Variants in IQSEC1 observed in about 807,000 individuals in gnomAD.
The protein encoded by IQSEC1 is IQ motif and SEC7 domain-containing protein 1.
Under a neutral mutation model 91.0 loss-of-function variants are expected in IQSEC1, and 31 were observed. The ratio of observed to expected loss-of-function variants is 0.34; its 90% CI spans 0.26 to 0.46. The LOEUF is 0.46. IQSEC1 is among the 20% of genes least tolerant of loss of function. The pLI, the probability that IQSEC1 is intolerant of heterozygous loss-of-function variation, is 1.00. For synonymous variants in IQSEC1, 699 were observed against 662.6 expected (o/e 1.05, Z -0.84); for missense variants, 1,388 against 1,575.6 (o/e 0.88, Z 2.02).
At chr3:13,247,687 G>C (rs1268455107) in intron 1 of IQSEC1, among the ~76,000 whole-genome samples, 1 of 152,200 alleles carries the variant, frequency 6.6e-6, no homozygotes, top group Non-Finnish European at 1.5e-5. Flanking sequence ...TCACTTCCAA[G>C]TCAAGTGCAA....
At chr3:12,958,886 T>G (rs1327261825) in intron 1 of IQSEC1, among the ~76,000 whole-genome samples, 1 of 152,186 alleles carries the variant, frequency 6.6e-6, no homozygotes, top group African/African-American at 2.4e-5. Flanking sequence ...CCCAGCACTG[T>G]GGGGTGGCAC....
chr3:13,180,919 T>C (rs552165747), intron 1 of IQSEC1, among the ~76,000 whole-genome samples: 20 of 151,990 alleles, frequency 1.3e-4, no homozygotes, highest in Middle Eastern at 3.4e-3. Flanking sequence ...ACCACGAGGG[T>C]CCGCGGCTTC....
chr3:13,117,793 G>A (rs1706360915), intron 2 of IQSEC1, among the ~76,000 whole-genome samples: 1 of 151,824 alleles, frequency 6.6e-6, no homozygotes, highest in Non-Finnish European at 1.5e-5. Context: ...GCTGAGGCAG[G>A]AGAATCACTT....
chr3:13,272,591 G>A (rs1186210310), intron 1 of IQSEC1, among the ~76,000 whole-genome samples: 1 of 152,192 alleles, frequency 6.6e-6, no homozygotes, highest in Non-Finnish European at 1.5e-5. Context: ...GGTCAAAGGG[G>A]ATGGTCAGAG....
chr3:13,171,369 A>G (rs1336395753), intron 1 of IQSEC1, among the ~76,000 whole-genome samples: 1 of 152,214 alleles, frequency 6.6e-6, no homozygotes, highest in East Asian at 1.9e-4. Flanking sequence ...GGGAGGCTAC[A>G]GAGGCTTAAA....
rs140420201 is a variant in IQSEC1, at chr3:13,008,265, C to G, written c.23+64727G>C. On this transcript the variant is annotated intron_variant, in intron 1 of 13. Coordinates refer to ENST00000613206, the MANE Select transcript of IQSEC1 (RefSeq NM_001134382.3). The surrounding 1 kb of genome is among the most constrained non-coding windows in gnomAD (Gnocchi z 4.1). Reference sequence around the variant, plus strand: ...CCAAGCTGGACACCTCTCCTTCCCGCGTCGAAGCTCAGAGGTGAGCCTCAG... The same window carrying G: ...CCAAGCTGGACACCTCTCCTTCCCGGGTCGAAGCTCAGAGGTGAGCCTCAG... 1.3e-5 allele frequency among the ~76,000 whole-genome samples: 2 copies of G among 151,500 alleles called. No homozygotes were observed. Among genetic ancestry groups the G allele is most frequent in the Non-Finnish European group, 3.0e-5 (2 of 67,416 alleles).
intron 1 of IQSEC1, among the ~76,000 whole-genome samples, chr3:12,999,893 C>T (rs1490492496): frequency 6.6e-6 from 1 of 152,184 alleles, no homozygotes; most frequent in South Asian, 2.1e-4. Flanking sequence ...AATACACATT[C>T]GATCACATCC....
chr3:13,273,572 G>T (rs1695623856), intron 1 of IQSEC1, among the ~76,000 whole-genome samples: 1 of 152,102 alleles, frequency 6.6e-6, no homozygotes, highest in Admixed American at 6.5e-5. Flanking sequence ...GAGAGGGTGG[G>T]GCCGTGTGCC....
intron 1 of IQSEC1, among the ~76,000 whole-genome samples, chr3:13,278,252 C>T (rs143270371): frequency 1.3e-4 from 20 of 152,282 alleles, no homozygotes; most frequent in African/African-American, 4.8e-4. Flanking sequence ...TGGGCTTCCC[C>T]CCCCCACCCC....
intron 2 of IQSEC1, among the ~76,000 whole-genome samples, chr3:13,089,771 T>C (rs1705805423): frequency 6.6e-6 from 1 of 152,116 alleles, no homozygotes; most frequent in Non-Finnish European, 1.5e-5. Context: ...TGCCAGGGAA[T>C]GGGAGGAGGC....
chr3:13,018,713 C>T (rs1703257630), intron 1 of IQSEC1, among the ~76,000 whole-genome samples: 1 of 152,212 alleles, frequency 6.6e-6, no homozygotes, highest in East Asian at 1.9e-4. Context: ...TGTATCCCCA[C>T]ACGCATCTCA....
chr3:12,917,804 T>C (rs995455298), intron 6 of IQSEC1, among the ~76,000 whole-genome samples: 3 of 152,258 alleles, frequency 2.0e-5, no homozygotes, highest in African/African-American at 7.2e-5. Context: ...TTTCAAACTA[T>C]GTGAATATCC....
At chr3:13,263,435 G>C (rs1192170242) in intron 1 of IQSEC1, among the ~76,000 whole-genome samples, 1 of 130,350 alleles carries the variant, frequency 7.7e-6, no homozygotes, top group Non-Finnish European at 1.7e-5. Context: ...TTTGGGGGGG[G>C]GGGGAAAGTA....
chr3:13,255,283 C>A (rs1266786350), intron 1 of IQSEC1, among the ~76,000 whole-genome samples: 3 of 152,166 alleles, frequency 2.0e-5, no homozygotes, highest in African/African-American at 7.2e-5. Context: ...CCAGGGGTTC[C>A]TGAGGACGGC....
chr3:13,174,533 T>C (rs1693680483), intron 1 of IQSEC1, among the ~76,000 whole-genome samples: 1 of 152,164 alleles, frequency 6.6e-6, no homozygotes, highest in South Asian at 2.1e-4. Flanking sequence ...TGGGCTGTCA[T>C]GTCGCTCTGT....
intron 1 of IQSEC1, among the ~76,000 whole-genome samples, chr3:13,215,775 A>G (rs902581736): frequency 9.2e-5 from 14 of 152,202 alleles, no homozygotes; most frequent in Admixed American, 9.2e-4. Context: ...GCCCCTCCAC[A>G]GTGGCTGATG....
chr3:13,015,768 C>T (rs1302655206), intron 1 of IQSEC1: 1 of 983,050 alleles, frequency 1.0e-6, no homozygotes, highest in African/African-American at 1.7e-5. Context: ...CCCCCGCCCA[C>T]CTGCCCTCCA....
chr3:13,154,671 C>T (rs1224315837), intron 2 of IQSEC1, among the ~76,000 whole-genome samples: 1 of 150,686 alleles, frequency 6.6e-6, no homozygotes, highest in East Asian at 1.9e-4. Context: ...CAACAGAACG[C>T]AGAGTCCTCT....
chr3:13,169,731 T>C (rs942104206), intron 1 of IQSEC1, among the ~76,000 whole-genome samples: 1 of 152,228 alleles, frequency 6.6e-6, no homozygotes. Flanking sequence ...GCATTTTGCC[T>C]CTGCTCTAGA....
Sources: allele counts gnomAD v4.1 joint callset (sites outside exome capture counted in the v4.1 genomes callset), GRCh38; gene constraint gnomAD v4.1.1; non-coding constraint Gnocchi (gnomAD v3.1); transcripts MANE v1.5; gene names NCBI Gene and HGNC (gene_info 2026-07-23, HGNC 2026-07-21).